The following ESR1 variants were observed in gnomAD, a reference collection of about 807,000 sequenced individuals.
ESR1 encodes estrogen receptor 1, also known as estrogen receptor.
ESR1 carries 12 observed loss-of-function variants against 52.7 expected under a neutral mutation model. That is an observed-to-expected ratio of 0.23 (90% confidence interval 0.15 to 0.37). The LOEUF is 0.37. ESR1 is among the 10% of genes least tolerant of loss of function. ESR1 has a pLI of 1.00. For synonymous variants in ESR1, 305 were observed against 316.8 expected (o/e 0.96, Z 0.39); for missense variants, 584 against 779.7 (o/e 0.75, Z 2.99).
chr6:151,683,344 C>T (rs1778528154), intron 1 of ESR1, among the ~76,000 whole-genome samples: 1 of 151,520 alleles, frequency 6.6e-6, no homozygotes, highest in Non-Finnish European at 1.5e-5. Context: ...GTTTCTGTTG[C>T]TTGGAGAGCA....
chr6:152,040,573 A>G (rs1249257100), intron 5 of ESR1, among the ~76,000 whole-genome samples: 1 of 152,200 alleles, frequency 6.6e-6, no homozygotes, highest in Non-Finnish European at 1.5e-5. Flanking sequence ...GAATCAGTAT[A>G]TAATCACACA....
chr6:151,843,968 A>G (rs1330032227), intron 2 of ESR1, among the ~76,000 whole-genome samples: 3 of 151,140 alleles, frequency 2.0e-5, no homozygotes, highest in South Asian at 2.1e-4. Context: ...TGAGGTCAAC[A>G]TGGTCTATTT....
intron 2 of ESR1, among the ~76,000 whole-genome samples, chr6:151,848,400 G>T (rs1785564136): frequency 7.6e-6 from 1 of 132,250 alleles, no homozygotes. Flanking sequence ...AGTGGGTGCA[G>T]CGCACCAGCA....
intron 3 of ESR1, among the ~76,000 whole-genome samples, chr6:151,901,324 G>C (rs1796657922): frequency 6.6e-6 from 1 of 152,192 alleles, no homozygotes; most frequent in African/African-American, 2.4e-5. Context: ...TTTGCAGGCA[G>C]CGGATGAGCA....
At chr6:151,878,825 T>C (rs1562504880) in intron 2 of ESR1, among the ~76,000 whole-genome samples, 1 of 152,168 alleles carries the variant, frequency 6.6e-6, no homozygotes, top group Admixed American at 6.5e-5. Context: ...TGCCAATATT[T>C]ATTAGTTTGT....
intron 2 of ESR1, among the ~76,000 whole-genome samples, chr6:151,857,933 T>C (rs1788164014): frequency 1.3e-5 from 2 of 152,226 alleles, no homozygotes; most frequent in Admixed American, 1.3e-4. Flanking sequence ...ATATCTGTAT[T>C]TTTATTTTTC....
chr6:151,949,850 A>G (rs1176171772), intron 4 of ESR1, among the ~76,000 whole-genome samples: 1 of 152,102 alleles, frequency 6.6e-6, no homozygotes. Context: ...TCTCATCTTG[A>G]GAGTATTTGA....
At chr6:151,872,271 C>T (rs1355043391) in intron 2 of ESR1, among the ~76,000 whole-genome samples, 1 of 152,120 alleles carries the variant, frequency 6.6e-6, no homozygotes, top group African/African-American at 2.4e-5. Context: ...TAAATTGTTC[C>T]ATACGACTTC....
intron 1 of ESR1, among the ~76,000 whole-genome samples, chr6:151,842,149 A>G (rs4986936): frequency 0.027 from 4,099 of 152,184 alleles, 72 homozygotes; most frequent in Non-Finnish European, 0.044. Context: ...TATTTTTTTG[A>G]CACATGTTCT....
chr6:151,968,017 T>A (rs909051423), intron 4 of ESR1, among the ~76,000 whole-genome samples: 31 of 152,206 alleles, frequency 2.0e-4, no homozygotes, highest in African/African-American at 5.8e-4. Context: ...CTTCGCCCAC[T>A]TTTTGATGGG....
chr6:151,665,462 G>A lies in ESR1; in HGVS notation n.73+8699G>A, dbSNP rs1348331642. Among the ~76,000 whole-genome samples the A allele has an allele frequency of 2.6e-5, 4 of 152,136 alleles. No individual in the cohort carries two copies. The South Asian group carries it at 8.3e-4, about 31-fold the overall frequency. The stretch of plus-strand genomic sequence containing the variant: ...AGGATCGTGATCTCTGAACTCAGAA[G>A]CCCAGAACTCCAAAGCTGGAAGCCA... On this transcript the variant is annotated intron_variant and non_coding_transcript_variant, in intron 1 of 2. Transcript: ENST00000473497.
At position 152,099,498 on chromosome 6, in the gene ESR1, TA is replaced by T; in HGVS notation, c.*535del. 3.8e-6 allele frequency: 1 copy of T among 264,828 alleles called. No individual in the cohort carries two copies. The highest frequency in any genetic ancestry group is 5.3e-5 in the East Asian group (1 of 18,990). 16.4% of individuals were successfully genotyped at this position (264,828 alleles called of 1,614,324 possible). On this transcript the variant is annotated 3_prime_UTR_variant, in exon 8 of 8. Transcript: ENST00000206249. ...ATCCTTTTATGAAAGTGGTACACCT[TA>T]AAGCTTTTATATGACTGTAGCAGAG...
chr6:151,768,562 A>T (rs1785247887), intron 2 of ESR1, among the ~76,000 whole-genome samples: 2 of 152,314 alleles, frequency 1.3e-5, no homozygotes, highest in South Asian at 4.1e-4. Context: ...ACCTATGTGA[A>T]TTTCCTGACT....
chr6:151,820,055 T>C (rs1780315322), intron 1 of ESR1, among the ~76,000 whole-genome samples: 1 of 152,132 alleles, frequency 6.6e-6, no homozygotes, highest in African/African-American at 2.4e-5. Context: ...AGAACTGTGA[T>C]AGAAAAGAGA....
At chr6:152,031,222 A>G (rs1261365645) in intron 5 of ESR1, among the ~76,000 whole-genome samples, 1 of 152,236 alleles carries the variant, frequency 6.6e-6, no homozygotes, top group African/African-American at 2.4e-5. Flanking sequence ...CATCACAATT[A>G]AAAGAACTAG....
intron 6 of ESR1, among the ~76,000 whole-genome samples, chr6:152,109,091 A>G (rs969859034): frequency 1.3e-5 from 2 of 152,032 alleles, no homozygotes; most frequent in African/African-American, 2.4e-5. Flanking sequence ...CACACTTTTC[A>G]ACAACCAGAT....
intron 2 of ESR1, among the ~76,000 whole-genome samples, chr6:151,764,253 G>A (rs2128100604): frequency 6.6e-6 from 1 of 152,256 alleles, no homozygotes; most frequent in East Asian, 1.9e-4. Context: ...ACTGAGTCAT[G>A]GGCCTGTCTG....
intron 3 of ESR1, among the ~76,000 whole-genome samples, chr6:151,905,619 TATA>T (rs1797315875): frequency 6.6e-6 from 1 of 152,186 alleles, no homozygotes; most frequent in South Asian, 2.1e-4. Flanking sequence ...GACAGGCTAA[TATA>T]ATCTATTTTT....
chr6:151,746,833 T>C (rs1783518896), intron 2 of ESR1, among the ~76,000 whole-genome samples: 2 of 152,210 alleles, frequency 1.3e-5, no homozygotes, highest in African/African-American at 4.8e-5. Flanking sequence ...CTCTGGCCAT[T>C]GCCAGCTGCA....
Sources: gnomAD v4.1 joint callset for allele counts (sites outside exome capture counted in the v4.1 genomes callset) on GRCh38, gnomAD v4.1.1 for gene constraint, MANE v1.5 for transcripts, NCBI Gene and HGNC (gene_info 2026-07-23, HGNC 2026-07-21) for gene names.